The following GPR158 variants were observed in gnomAD, a reference collection of about 807,000 sequenced individuals.
The protein encoded by GPR158 is G protein-coupled receptor 158.
GPR158 carries 30 observed loss-of-function variants against 78.2 expected under a neutral mutation model. That is an observed-to-expected ratio of 0.38 (90% CI 0.29 to 0.52). The LOEUF is 0.52. Among genes scored for constraint, GPR158 ranks in the 20% least tolerant of loss-of-function variants. The probability of loss-of-function intolerance (pLI) is 0.83; values close to 1 mark genes in which losing one functional copy is unlikely to be tolerated. For synonymous variants in GPR158, 581 were observed against 591.1 expected (o/e 0.98, Z 0.25); for missense variants, 1,463 against 1,523.5 (o/e 0.96, Z 0.66).
intron 2 of GPR158, among the ~76,000 whole-genome samples, chr10:25,238,590 T>C (rs1017001893): frequency 2.0e-5 from 3 of 152,194 alleles, no homozygotes; most frequent in African/African-American, 7.2e-5. Flanking sequence ...CCACAGAGAT[T>C]TATGAGCTGC....
intron 3 of GPR158, among the ~76,000 whole-genome samples, chr10:25,403,138 A>T (rs1025593122): frequency 3.0e-4 from 46 of 151,994 alleles, no homozygotes; most frequent in Non-Finnish European, 5.6e-4. Flanking sequence ...ATAGAATTCC[A>T]TTGAATAAAT....
At chr10:25,433,547 T>TGTGTGTTGTGTG (rs67750453) in intron 4 of GPR158, among the ~76,000 whole-genome samples, 2 of 96,330 alleles carry the variant, frequency 2.1e-5, no homozygotes, top group Admixed American at 1.2e-4. Flanking sequence ...TGTGTGTGTG[T>TGTGTGTTGTGTG]TGTGTGTGTG....
intron 2 of GPR158, among the ~76,000 whole-genome samples, chr10:25,225,511 G>C (rs1853361258): frequency 1.3e-5 from 2 of 152,120 alleles, no homozygotes; most frequent in South Asian, 4.1e-4. Flanking sequence ...ATCATGTAAA[G>C]TATAGATTGA....
chr10:25,193,088 A>C (rs78921496), intron 1 of GPR158, among the ~76,000 whole-genome samples: 5,579 of 152,224 alleles, frequency 0.037, 317 homozygotes, highest in African/African-American at 0.12. Context: ...TAAGTTGAGG[A>C]GCACCTGTAT....
intron 5 of GPR158, among the ~76,000 whole-genome samples, chr10:25,504,077 C>T (rs762261957): frequency 4.6e-5 from 7 of 151,784 alleles, no homozygotes; most frequent in Admixed American, 6.6e-5. Context: ...TATTAATAGA[C>T]ATAGGGTTTC....
At chr10:25,498,148 T>C (rs1200188852) in intron 5 of GPR158, among the ~76,000 whole-genome samples, 1 of 152,186 alleles carries the variant, frequency 6.6e-6, no homozygotes, top group African/African-American at 2.4e-5. Context: ...TTTCCACAAA[T>C]GAACACACTT....
At chr10:25,430,210 A>C (rs2130574001) in intron 4 of GPR158, among the ~76,000 whole-genome samples, 1 of 152,266 alleles carries the variant, frequency 6.6e-6, no homozygotes, top group South Asian at 2.1e-4. Context: ...ATTCTTATAC[A>C]CCAATAACAG....
At chr10:25,435,697 G>A (rs1383059902) in intron 4 of GPR158, among the ~76,000 whole-genome samples, 1 of 152,178 alleles carries the variant, frequency 6.6e-6, no homozygotes, top group African/African-American at 2.4e-5. Context: ...TAGAGGATCT[G>A]TTTATCGGGA....
chr10:25,502,255 T>C (rs1835952747), intron 5 of GPR158, among the ~76,000 whole-genome samples: 1 of 152,100 alleles, frequency 6.6e-6, no homozygotes, highest in Non-Finnish European at 1.5e-5. Context: ...CTGATTAAAG[T>C]AGATATAGCC....
intron 5 of GPR158, among the ~76,000 whole-genome samples, chr10:25,471,740 G>C (rs1195493384): frequency 6.6e-6 from 1 of 152,112 alleles, no homozygotes; most frequent in African/African-American, 2.4e-5. Context: ...TCATGTGTCT[G>C]TTGGCTGCAT....
At chr10:25,386,640 G>T (rs772072121) in intron 2 of GPR158, among the ~76,000 whole-genome samples, 1 of 152,158 alleles carries the variant, frequency 6.6e-6, no homozygotes, top group East Asian at 1.9e-4. Context: ...ATATTTTACA[G>T]TTTTCAGAGT....
intron 4 of GPR158, chr10:25,466,235 T>C: frequency 6.3e-6 from 1 of 158,346 alleles, no homozygotes; most frequent in Non-Finnish European, 1.4e-5. Flanking sequence ...GTCTGTGTAT[T>C]TGTCTAATCA....
chr10:25,555,630 G>A (rs900700751), intron 6 of GPR158, among the ~76,000 whole-genome samples: 3 of 152,076 alleles, frequency 2.0e-5, no homozygotes, highest in African/African-American at 7.2e-5. Context: ...TGTTTGAAAT[G>A]AAAGGGGGTG....
rs185007696 is a variant in GPR158, at chr10:25,462,847, G to A, written c.1336-3804G>A. On this transcript the variant is annotated intron_variant, in intron 4 of 10. Coordinates refer to ENST00000376351, the MANE Select transcript of GPR158 (RefSeq NM_020752.3). ...GAGCAAACAAGTAGTTTTTTCAGAC[G>A]GAATCCACTCCTGGTGAAGATGCTA... is the stretch of plus-strand genomic sequence containing the variant. Among the ~76,000 whole-genome samples the A allele has an allele frequency of 1.9e-4, 29 of 152,214 alleles. 1 individual carries two copies. Among genetic ancestry groups the A allele is most frequent in the Admixed American group, 1.8e-3 (28 of 15,286 alleles).
At chr10:25,391,059 TG>T (rs1834290172) in intron 2 of GPR158, among the ~76,000 whole-genome samples, 1 of 152,180 alleles carries the variant, frequency 6.6e-6, no homozygotes, top group South Asian at 2.1e-4. Context: ...TTCCACGTGT[TG>T]TTGGGCCTGT....
At chr10:25,464,910 T>A (rs1835402361) in intron 4 of GPR158, among the ~76,000 whole-genome samples, 1 of 152,210 alleles carries the variant, frequency 6.6e-6, no homozygotes, top group African/African-American at 2.4e-5. Flanking sequence ...GAAATTTTCT[T>A]TTCACCAAAA....
At chr10:25,433,549 G>GTGTTGTGTGTGTGT (rs1834945157) in intron 4 of GPR158, among the ~76,000 whole-genome samples, 65 of 134,576 alleles carry the variant, frequency 4.8e-4, no homozygotes, top group African/African-American at 1.7e-3. Context: ...TGTGTGTGTT[G>GTGTTGTGTGTGTGT]TGTGTGTGTG....
intron 7 of GPR158, among the ~76,000 whole-genome samples, chr10:25,586,390 AAT>A (rs1564498209): frequency 7.6e-6 from 1 of 130,940 alleles, no homozygotes; most frequent in African/African-American, 2.9e-5. Flanking sequence ...GGTATGTGTG[AAT>A]TTTTTTTTTT....
At chr10:25,272,571 G>C (rs373617903) in intron 2 of GPR158, among the ~76,000 whole-genome samples, 4 of 152,198 alleles carry the variant, frequency 2.6e-5, no homozygotes, top group Admixed American at 6.5e-5. Context: ...AGAAATGTCA[G>C]CTTTCTATTT....
Sources: allele counts gnomAD v4.1 joint callset (sites outside exome capture counted in the v4.1 genomes callset), GRCh38; gene constraint gnomAD v4.1.1; transcripts MANE v1.5; gene names NCBI Gene and HGNC (gene_info 2026-07-23, HGNC 2026-07-21).